Variants in CYRIB observed in about 807,000 individuals in gnomAD.
CYRIB encodes the protein CYFIP related Rac1 interactor B.
Under a neutral mutation model 44.2 loss-of-function variants are expected in CYRIB, and 8 were observed. The observed-to-expected ratio is 0.18, with a 90% CI of 0.11 to 0.33. CYRIB has a LOEUF of 0.33. CYRIB is among the 10% of genes least tolerant of loss of function. CYRIB has a pLI of 1.00. For missense variants in CYRIB, 185 were observed against 382.8 expected (o/e 0.48, Z 4.31); for synonymous variants, 131 against 127.2 (o/e 1.03, Z -0.20).
At chr8:129,867,767 TATGA>T (rs1372111514) in intron 4 of CYRIB, among the ~76,000 whole-genome samples, 3 of 152,226 alleles carry the variant, frequency 2.0e-5, no homozygotes, top group Non-Finnish European at 4.4e-5. Flanking sequence ...TTTTTGCTAC[TATGA>T]ATAAGGCGGC....
chr8:129,970,496 T>G (rs918865760), intron 2 of CYRIB: 1 of 151,116 alleles, frequency 6.6e-6, no homozygotes, highest in Non-Finnish European at 1.5e-5. Flanking sequence ...CTCAGCTCAC[T>G]GCAACCTCCG....
At chr8:129,986,523 AT>A (rs1318447731) in intron 1 of CYRIB, among the ~76,000 whole-genome samples, 6 of 152,348 alleles carry the variant, frequency 3.9e-5, no homozygotes, top group Middle Eastern at 3.4e-3. Context: ...GGATTCATCC[AT>A]TCATGGATTA....
chr8:129,915,174 A>T (rs966296754), intron 1 of CYRIB, among the ~76,000 whole-genome samples: 1 of 152,244 alleles, frequency 6.6e-6, no homozygotes, highest in African/African-American at 2.4e-5. Context: ...TTATGTTCAT[A>T]CAAAGAATCA....
At chr8:129,952,951 G>C (rs189258185) in intron 2 of CYRIB, among the ~76,000 whole-genome samples, 162 of 152,286 alleles carry the variant, frequency 1.1e-3, no homozygotes, top group African/African-American at 3.7e-3. Flanking sequence ...GAACTGTTAC[G>C]TGTTACTGTT....
At chr8:129,935,942 T>G (rs535527124) in intron 1 of CYRIB, among the ~76,000 whole-genome samples, 15 of 152,332 alleles carry the variant, frequency 9.8e-5, no homozygotes, top group African/African-American at 3.4e-4. Context: ...ATTCTAAGAA[T>G]GATTTCTTTG....
At chr8:129,956,410 C>G (rs1290749004) in intron 2 of CYRIB, among the ~76,000 whole-genome samples, 1 of 152,150 alleles carries the variant, frequency 6.6e-6, no homozygotes, top group East Asian at 1.9e-4. Flanking sequence ...AGTAATTCAT[C>G]TAGTGTATGA....
chr8:129,907,972 A>G (rs1206282669), intron 1 of CYRIB, among the ~76,000 whole-genome samples: 1 of 152,230 alleles, frequency 6.6e-6, no homozygotes, highest in African/African-American at 2.4e-5. Context: ...ATTACACTCC[A>G]GCCTAGGTGA....
intron 6 of CYRIB, among the ~76,000 whole-genome samples, chr8:129,855,390 CAAA>C (rs200820053): frequency 9.8e-6 from 1 of 102,246 alleles, no homozygotes. Context: ...GGCTCTGCCT[CAAA>C]AAAAAAAAAA....
chr8:130,000,008 G>A (rs1326955464), intron 1 of CYRIB, among the ~76,000 whole-genome samples: 1 of 152,166 alleles, frequency 6.6e-6, no homozygotes, highest in Non-Finnish European at 1.5e-5. Flanking sequence ...TCCCCCTTGT[G>A]TTTTAGTCCT....
At chr8:129,978,261 A>G (rs1303181273) in intron 1 of CYRIB, among the ~76,000 whole-genome samples, 5 of 152,222 alleles carry the variant, frequency 3.3e-5, no homozygotes, top group Non-Finnish European at 1.5e-5. Flanking sequence ...TATATAGCTA[A>G]TCAGATTACC....
intron 3 of CYRIB, among the ~76,000 whole-genome samples, chr8:129,873,177 ATTTCT>A (rs1021254573): frequency 6.6e-6 from 1 of 151,970 alleles, no homozygotes; most frequent in African/African-American, 2.4e-5. Flanking sequence ...TATTTTTCAA[ATTTCT>A]TTTCAGAAAT....
chr8:129,984,504 A>G (rs1291154726), intron 1 of CYRIB, among the ~76,000 whole-genome samples: 4 of 152,130 alleles, frequency 2.6e-5, no homozygotes, highest in African/African-American at 9.7e-5. Context: ...CCAAGGCCAC[A>G]TGATACTGGG....
At chr8:129,987,883 A>G (rs2096522385) in intron 1 of CYRIB, among the ~76,000 whole-genome samples, 1 of 152,118 alleles carries the variant, frequency 6.6e-6, no homozygotes, top group Non-Finnish European at 1.5e-5. Flanking sequence ...CACCGTTTCT[A>G]GTACACAAAT....
At chr8:129,840,287 TC>T (rs1291306377) in exon 12 of CYRIB, 1 of 152,460 alleles carries the variant, frequency 6.6e-6, no homozygotes, top group Admixed American at 6.5e-5. Context: ...AGTGACTTCC[TC>T]CAATTCTTAG....
chr8:129,850,444 C>A (rs2042675089), intron 9 of CYRIB: 1 of 171,914 alleles, frequency 5.8e-6, no homozygotes, highest in Non-Finnish European at 1.2e-5. Context: ...TAATTCCAGC[C>A]CTTTGGCAAA....
At chr8:129,916,134 T>C (rs1034768501) in intron 1 of CYRIB, among the ~76,000 whole-genome samples, 2 of 152,194 alleles carry the variant, frequency 1.3e-5, no homozygotes, top group African/African-American at 4.8e-5. Context: ...GCAAATCTTC[T>C]ATTCTACTTT....
intron 4 of CYRIB, among the ~76,000 whole-genome samples, chr8:129,869,817 C>G (rs16904165): frequency 0.015 from 2,242 of 152,074 alleles, 41 homozygotes; most frequent in African/African-American, 0.046. Context: ...ATATAAGAAA[C>G]CAGGTTTACC....
At chr8:129,897,227 C>A (rs1306818982) in intron 2 of CYRIB, among the ~76,000 whole-genome samples, 1 of 152,122 alleles carries the variant, frequency 6.6e-6, no homozygotes, top group Admixed American at 6.5e-5. Context: ...CACCAAGTAG[C>A]CATCTCACCA....
At chr8:129,988,194 G>A (rs989753443) in intron 1 of CYRIB, among the ~76,000 whole-genome samples, 1 of 152,148 alleles carries the variant, frequency 6.6e-6, no homozygotes, top group African/African-American at 2.4e-5. Context: ...CGTGATACCC[G>A]GATGGCCTCT....
Sources: allele counts gnomAD v4.1 joint callset (sites outside exome capture counted in the v4.1 genomes callset), GRCh38; gene constraint gnomAD v4.1.1; transcripts MANE v1.5; gene names NCBI Gene and HGNC (gene_info 2026-07-23, HGNC 2026-07-21).